Variants in MARCHF3 observed in about 807,000 individuals in gnomAD.
MARCHF3 encodes E3 ubiquitin-protein ligase MARCHF3.
Under a neutral mutation model 24.2 loss-of-function variants are expected in MARCHF3, and 13 were observed. The ratio of observed to expected loss-of-function variants is 0.54; its 90% CI spans 0.35 to 0.85. The LOEUF (loss-of-function observed/expected upper bound fraction) is 0.85. Ranked by LOEUF, MARCHF3 falls within the 40% of genes least tolerant of loss-of-function variation. The pLI is 0.01. For missense variants in MARCHF3, 276 were observed against 325.0 expected (o/e 0.85, Z 1.16); for synonymous variants, 144 against 137.3 (o/e 1.05, Z -0.34).
At chr5:126,881,959 T>C (rs1456710572) in intron 3 of MARCHF3, among the ~76,000 whole-genome samples, 1 of 152,140 alleles carries the variant, frequency 6.6e-6, no homozygotes, top group Non-Finnish European at 1.5e-5. Context: ...AAACAGCTAT[T>C]ACTGAGAGAT....
At chr5:126,921,821 C>T (rs1056746820) in intron 1 of MARCHF3, among the ~76,000 whole-genome samples, 47 of 152,156 alleles carry the variant, frequency 3.1e-4, no homozygotes, top group Non-Finnish European at 1.2e-4. Flanking sequence ...GAGAATAAAA[C>T]ATGATTTGGC....
chr5:126,970,747 T>G (rs1236926076), intron 1 of MARCHF3, among the ~76,000 whole-genome samples: 1 of 152,192 alleles, frequency 6.6e-6, no homozygotes, highest in Non-Finnish European at 1.5e-5. Flanking sequence ...GCAATCCGCA[T>G]GTATTCTGTC....
chr5:126,966,827 A>G (rs942193000), intron 1 of MARCHF3, among the ~76,000 whole-genome samples: 8 of 147,120 alleles, frequency 5.4e-5, no homozygotes, highest in African/African-American at 2.0e-4. Flanking sequence ...TTATGCTAAC[A>G]GTGGCCTTAG....
chr5:126,896,521 A>G (rs1753923563), intron 3 of MARCHF3, among the ~76,000 whole-genome samples: 1 of 152,230 alleles, frequency 6.6e-6, no homozygotes, highest in Admixed American at 6.6e-5. Flanking sequence ...TGAGACATGC[A>G]ACCCCTAGGT....
intron 3 of MARCHF3, chr5:126,899,252 C>T (rs1349114789): frequency 1.0e-6 from 1 of 985,164 alleles, no homozygotes; most frequent in African/African-American, 1.7e-5. Flanking sequence ...TTATCTTCCC[C>T]CAAATCTGCT....
At position 126,950,310 on chromosome 5, in the gene MARCHF3, C is replaced by A. The variant is rs78203197; in HGVS notation, c.-56-32083G>T. ...AATTCATGACCACAGACTCAGTGAGCCCTTAATGCTGCCCAGCAATCATTC... is the reference window on the plus strand; with the variant it reads ...AATTCATGACCACAGACTCAGTGAGACCTTAATGCTGCCCAGCAATCATTC... On this transcript the variant is annotated intron_variant, in intron 1 of 4. Coordinates refer to ENST00000308660, the MANE Select transcript of MARCHF3 (RefSeq NM_178450.5). Among the ~76,000 whole-genome samples the A allele has an allele frequency of 9.7e-3, 1,480 of 152,320 alleles. 17 individuals carry two copies. The highest frequency in any genetic ancestry group is 0.034 in the African/African-American group (1,412 of 41,562).
At chr5:126,953,566 A>C (rs913669666) in intron 1 of MARCHF3, among the ~76,000 whole-genome samples, 1 of 152,202 alleles carries the variant, frequency 6.6e-6, no homozygotes, top group African/African-American at 2.4e-5. Context: ...TCCCTCAGAA[A>C]TTTGAAGTAA....
chr5:127,003,475 G>C (rs900635200), intron 1 of MARCHF3, among the ~76,000 whole-genome samples: 1 of 149,886 alleles, frequency 6.7e-6, no homozygotes, highest in Non-Finnish European at 1.5e-5. Context: ...CTCAAAGGCC[G>C]GCGCGGTGGC....
At chr5:126,945,949 T>C (rs1749994025) in intron 1 of MARCHF3, among the ~76,000 whole-genome samples, 3 of 152,118 alleles carry the variant, frequency 2.0e-5, no homozygotes, top group South Asian at 4.1e-4. Flanking sequence ...CATTCTGTAG[T>C]GGAGGGGTGG....
At chr5:127,000,013 A>G (rs1273025594) in intron 1 of MARCHF3, among the ~76,000 whole-genome samples, 1 of 149,248 alleles carries the variant, frequency 6.7e-6, no homozygotes, top group East Asian at 1.9e-4. Context: ...TCTATAAAGT[A>G]CATTAGAATA....
chr5:126,993,228 T>A (rs1751833044), intron 1 of MARCHF3, among the ~76,000 whole-genome samples: 1 of 152,186 alleles, frequency 6.6e-6, no homozygotes, highest in Non-Finnish European at 1.5e-5. Flanking sequence ...ACATCCCTCC[T>A]GAGTTAGGGC....
At chr5:126,946,743 G>A (rs1017685994) in intron 1 of MARCHF3, among the ~76,000 whole-genome samples, 3 of 136,748 alleles carry the variant, frequency 2.2e-5, no homozygotes, top group Admixed American at 7.5e-5. Context: ...GAGAGGGAGA[G>A]GGACTCGTGT....
At chr5:126,963,180 T>G (rs1401660559) in intron 1 of MARCHF3, among the ~76,000 whole-genome samples, 1 of 152,156 alleles carries the variant, frequency 6.6e-6, no homozygotes, top group African/African-American at 2.4e-5. Flanking sequence ...TTATTTAGCT[T>G]ATGAAACAAG....
intron 1 of MARCHF3, among the ~76,000 whole-genome samples, chr5:126,933,959 C>T (rs913094471): frequency 6.6e-6 from 1 of 152,160 alleles, no homozygotes; most frequent in Non-Finnish European, 1.5e-5. Flanking sequence ...CTCTTTATTT[C>T]TTTCCAACTC....
At chr5:127,018,184 A>T (rs968240494) in intron 1 of MARCHF3, among the ~76,000 whole-genome samples, 9 of 152,154 alleles carry the variant, frequency 5.9e-5, no homozygotes, top group African/African-American at 2.2e-4. Context: ...CAGCCTGGCC[A>T]ACATGGTGAA....
chr5:127,019,903 G>T (rs1037960013), intron 1 of MARCHF3, among the ~76,000 whole-genome samples: 7 of 152,168 alleles, frequency 4.6e-5, no homozygotes, highest in Admixed American at 3.9e-4. Context: ...TCTCTTAGAA[G>T]GTCTAGGACA....
chr5:127,022,585 T>C (rs1225621248), intron 1 of MARCHF3, among the ~76,000 whole-genome samples: 2 of 152,172 alleles, frequency 1.3e-5, no homozygotes, highest in Non-Finnish European at 2.9e-5. Flanking sequence ...CATCTACTAG[T>C]TGCAAGAAAG....
At chr5:126,976,661 T>C (rs1751209966) in intron 1 of MARCHF3, among the ~76,000 whole-genome samples, 1 of 152,240 alleles carries the variant, frequency 6.6e-6, no homozygotes, top group Non-Finnish European at 1.5e-5. Context: ...GGCTTTCTCC[T>C]ATCTCCTGTT....
chr5:127,023,988 A>C (rs1414857046), intron 1 of MARCHF3, among the ~76,000 whole-genome samples: 3 of 152,098 alleles, frequency 2.0e-5, no homozygotes, highest in African/African-American at 7.2e-5. Flanking sequence ...AAGCTGTCCC[A>C]AGTTTCAAAG....
Sources: gnomAD v4.1 joint callset for allele counts (sites outside exome capture counted in the v4.1 genomes callset) on GRCh38, gnomAD v4.1.1 for gene constraint, MANE v1.5 for transcripts, NCBI Gene and HGNC (gene_info 2026-07-23, HGNC 2026-07-21) for gene names.